The following ZBBX variants were observed in gnomAD, a reference collection of about 807,000 sequenced individuals.
ZBBX encodes zinc finger B-box domain-containing protein 1.
In ZBBX, 101 loss-of-function variants were observed where a neutral mutation model predicts 108.5. The ratio of observed to expected loss-of-function variants is 0.93; its 90% confidence interval spans 0.79 to 1.10. ZBBX has a LOEUF of 1.10. Ranked by LOEUF, ZBBX falls within the 50% of genes least tolerant of loss-of-function variation. The pLI is 0.00. For synonymous variants in ZBBX, 356 were observed against 323.4 expected, an observed-to-expected ratio of 1.10 and a Z score of -1.08; for missense variants, 1,009 against 941.4, an observed-to-expected ratio of 1.07 and a Z score of -0.94.
Position 167,317,168 on chromosome 3 carries a change from A to G in ZBBX, c.1094-63T>C, listed in dbSNP as rs1286260082. 6 of 1,137,770 alleles carry G rather than the reference A, an allele frequency of 5.3e-6. No homozygotes were observed. In the East Asian group the frequency reaches 7.6e-5, roughly 14 times the overall value. 70.5% of individuals were successfully genotyped at this position (1,137,770 alleles called of 1,614,324 possible). A position where few individuals can be genotyped will look rare whatever the true frequency, so the allele number is the denominator to read the frequency against. On this transcript the variant is annotated intron_variant, in intron 13 of 21. Transcript: ENST00000675490. ...TATATCTTACTTTATAATTTCTTCA[A>G]ATAAGATAGCCACCAAAAAAGAAGA...
intron 10 of ZBBX, among the ~76,000 whole-genome samples, chr3:167,328,414 C>A (rs79931713): frequency 3.1e-4 from 47 of 152,164 alleles, no homozygotes; most frequent in African/African-American, 1.1e-3. Flanking sequence ...TGTAAAGGTG[C>A]AATTGCCTTG....
chr3:167,311,901 G>C (rs1734655906), intron 16 of ZBBX, among the ~76,000 whole-genome samples: 1 of 152,018 alleles, frequency 6.6e-6, no homozygotes, highest in Admixed American at 6.6e-5. Flanking sequence ...AAACATACCT[G>C]TACCATATGA....
At chr3:167,242,449 C>T in intron 21 of ZBBX, 56 bp downstream of exon 21, 2 of 1,433,148 alleles carry the variant, frequency 1.4e-6, no homozygotes, top group Non-Finnish European at 1.9e-6. Context: ...CTAGTTGGAG[C>T]TTGTCAAAAT....
chr3:167,354,389 T>G (rs1240890831), intron 8 of ZBBX, among the ~76,000 whole-genome samples: 1 of 151,828 alleles, frequency 6.6e-6, no homozygotes, highest in Admixed American at 6.6e-5. Flanking sequence ...TAAAATAAAA[T>G]TCAGTATTTA....
the ZBBX span, among the ~76,000 whole-genome samples, chr3:167,228,339 T>C: frequency 6.6e-6 from 1 of 151,786 alleles, no homozygotes; most frequent in Non-Finnish European, 1.5e-5. Flanking sequence ...TGCTCTGCAG[T>C]CCATTTTCTG....
At chr3:167,390,317 G>T (rs1024696161) in intron 1 of ZBBX, among the ~76,000 whole-genome samples, 2 of 151,934 alleles carry the variant, frequency 1.3e-5, no homozygotes, top group African/African-American at 2.4e-5. Context: ...TGTTCCATTG[G>T]TCTATATATC....
chr3:167,403,174 G>C lies in ZBBX; in HGVS notation c.-446+4552C>G, dbSNP rs530327614. 2.0e-5 allele frequency among the ~76,000 whole-genome samples: 3 copies of C among 152,140 alleles called. No homozygotes were observed. In the East Asian group the frequency reaches 5.8e-4, roughly 29 times the overall value. ...TGTCAAACTGAAATCCAAAGGGAAA[G>C]AAAAAATTCTAACGGGTACCACAGT... On this transcript the variant is annotated intron_variant, in intron 1 of 21. Transcript: ENST00000455345.
At chr3:167,291,954 C>A (rs548893054) in intron 18 of ZBBX, among the ~76,000 whole-genome samples, 1 of 152,150 alleles carries the variant, frequency 6.6e-6, no homozygotes, top group African/African-American at 2.4e-5. Flanking sequence ...TCAAAAGAGA[C>A]GAAGAAGCCA....
At chr3:167,374,534 T>C (rs1746645973) in intron 2 of ZBBX, among the ~76,000 whole-genome samples, 1 of 152,182 alleles carries the variant, frequency 6.6e-6, no homozygotes, top group African/African-American at 2.4e-5. Flanking sequence ...GCCCACACCA[T>C]TTGATGCTGT....
At chr3:167,204,190 CT>C in the ZBBX span, among the ~76,000 whole-genome samples, 4 of 88,264 alleles carry the variant, frequency 4.5e-5, no homozygotes, top group East Asian at 3.2e-4. Flanking sequence ...AATCAATTTT[CT>C]TTTTTTCTTT....
At chr3:167,251,613 G>C (rs1270933589) in intron 20 of ZBBX, among the ~76,000 whole-genome samples, 1 of 152,128 alleles carries the variant, frequency 6.6e-6, no homozygotes, top group Non-Finnish European at 1.5e-5. Context: ...ACAGTTTTTT[G>C]AGGACTTACT....
At chr3:167,212,564 C>A in the ZBBX span, among the ~76,000 whole-genome samples, 1 of 152,196 alleles carries the variant, frequency 6.6e-6, no homozygotes, top group South Asian at 2.1e-4. Context: ...CAGCTTGTTA[C>A]CAGACAAGGA....
chr3:167,250,897 C>CTCAT (rs1230676888), intron 20 of ZBBX, among the ~76,000 whole-genome samples: 7 of 152,172 alleles, frequency 4.6e-5, no homozygotes, highest in Middle Eastern at 6.3e-3. Context: ...CCACCATGCT[C>CTCAT]TCATTCTGGG....
chr3:167,328,217 A>G, intron 10 of ZBBX, 101 bp from the exon 11 acceptor site: 1 of 1,150,750 alleles, frequency 8.7e-7, no homozygotes, highest in Non-Finnish European at 1.2e-6. Context: ...TACAGGTAGA[A>G]CTAATTATTA....
intron 16 of ZBBX, among the ~76,000 whole-genome samples, chr3:167,308,850 C>T (rs904461646): frequency 1.3e-5 from 2 of 152,026 alleles, no homozygotes; most frequent in African/African-American, 4.8e-5. Context: ...CTAATGGGTG[C>T]AAGGCTTAAT....
chr3:167,242,677 T>C (rs759561737), intron 20 of ZBBX, 34 bp from the exon 21 acceptor site: 2 of 1,592,502 alleles, frequency 1.3e-6, no homozygotes, highest in African/African-American at 2.7e-5. Flanking sequence ...TGTCAAAACA[T>C]AAATTCAAGA....
intron 20 of ZBBX, among the ~76,000 whole-genome samples, chr3:167,243,339 C>A (rs576915058): frequency 5.3e-5 from 8 of 151,972 alleles, no homozygotes; most frequent in African/African-American, 1.7e-4. Context: ...AGCCACCTAA[C>A]TTATACATAA....
At position 167,240,677 on chromosome 3, in the gene ZBBX, C is replaced by A; in HGVS notation, c.*116G>T. ...TTATTAGTTTGTAGCCTTGAAACAT[C>A]AAAGACATTAGTAATCAAAATCTCC... On this transcript the variant is annotated 3_prime_UTR_variant, in exon 22 of 22. Coordinates refer to ENST00000675490, the MANE Select transcript of ZBBX (RefSeq NM_001199201.2). 1 of 1,263,132 alleles carries A rather than the reference C, an allele frequency of 7.9e-7. No homozygotes were observed. The highest frequency in any genetic ancestry group is 1.1e-6 in the Non-Finnish European group (1 of 918,618). 78.2% of individuals were successfully genotyped at this position (1,263,132 alleles called of 1,614,324 possible). A position where few individuals can be genotyped will look rare whatever the true frequency, so the allele number is the denominator to read the frequency against.
chr3:167,203,695 A>G, the ZBBX span, among the ~76,000 whole-genome samples: 1 of 152,144 alleles, frequency 6.6e-6, no homozygotes, highest in African/African-American at 2.4e-5. Context: ...ACAATAACCT[A>G]TCTTTATAAG....
Sources: gnomAD v4.1 joint callset for allele counts (sites outside exome capture counted in the v4.1 genomes callset) on GRCh38, gnomAD v4.1.1 for gene constraint, MANE v1.5 for transcripts, NCBI Gene and HGNC (gene_info 2026-07-23, HGNC 2026-07-21) for gene names.